Variants in KLHL32 observed in about 807,000 individuals in gnomAD.
KLHL32 encodes the protein kelch like family member 32.
Under a neutral mutation model 64.8 loss-of-function variants are expected in KLHL32, and 35 were observed. That is an observed-to-expected ratio of 0.54 (90% confidence interval 0.41 to 0.72). The LOEUF (loss-of-function observed/expected upper bound fraction) is 0.72, where lower values mean the gene tolerates loss of function less well. Among genes scored for constraint, KLHL32 ranks in the 30% least tolerant of loss-of-function variants. The pLI, the probability that KLHL32 is intolerant of heterozygous loss-of-function variation, is 0.00. For synonymous variants in KLHL32, 259 were observed against 281.0 expected, an observed-to-expected ratio of 0.92 and a Z score of 0.78; for missense variants, 589 against 768.5, an observed-to-expected ratio of 0.77 and a Z score of 2.76.
chr6:96,970,141 C>T (rs1774952146), intron 2 of KLHL32, among the ~76,000 whole-genome samples: 1 of 152,140 alleles, frequency 6.6e-6, no homozygotes, highest in African/African-American at 2.4e-5. Flanking sequence ...CCTTGGGCTC[C>T]AAGGCCCAAC....
At chr6:96,913,893 C>T in the KLHL32 span, among the ~76,000 whole-genome samples, 7 of 152,082 alleles carry the variant, frequency 4.6e-5, no homozygotes, top group African/African-American at 7.2e-5. Context: ...GATTATATTA[C>T]CTGACAAAGG....
chr6:96,950,968 A>G (rs1772501053), intron 1 of KLHL32, among the ~76,000 whole-genome samples: 1 of 152,224 alleles, frequency 6.6e-6, no homozygotes, highest in Admixed American at 6.5e-5. Flanking sequence ...AACTCAAGAA[A>G]GCCTTGTAAT....
chr6:96,912,979 G>A, the KLHL32 span, among the ~76,000 whole-genome samples: 8 of 152,120 alleles, frequency 5.3e-5, no homozygotes, highest in East Asian at 1.9e-4. Context: ...GGAGAAGCTC[G>A]CAATTTTTTG....
chr6:97,069,740 G>A (rs1790404389), intron 5 of KLHL32, among the ~76,000 whole-genome samples: 2 of 152,064 alleles, frequency 1.3e-5, no homozygotes, highest in South Asian at 4.2e-4. Flanking sequence ...TAAAATTTAT[G>A]TTATAGTAGG....
In KLHL32 at chr6:97,113,896, C is replaced by T. The variant is rs1430241348; in HGVS notation, c.741C>T (p.Ser247=). 1.2e-6 allele frequency: 2 copies of T among 1,613,910 alleles called. No homozygotes were observed. Among genetic ancestry groups the T allele is most frequent in the African/African-American group, 2.7e-5 (2 of 74,874 alleles). ...ATACTCTCCATACAGTTGCCCTGTCCCACCCCCTTGTCCAAGCAAGTGAGA... is the reference window on the plus strand; with the variant it reads ...ATACTCTCCATACAGTTGCCCTGTCTCACCCCCTTGTCCAAGCAAGTGAGA... ...DVDTLHTVAL[S]HPLVQASETA... is the part of the protein sequence containing the mutation. The change falls in exon 7 of 11, where the codon TCC becomes TCT. Residue 247 remains serine, a synonymous_variant. Coordinates refer to ENST00000369261, the MANE Select transcript of KLHL32 (RefSeq NM_052904.4).
chr6:97,033,800 C>T lies in KLHL32; in HGVS notation c.205-7692C>T, dbSNP rs145523124. Among the ~76,000 whole-genome samples, 1,406 of 152,098 alleles carry T rather than the reference C, an allele frequency of 9.2e-3. 21 individuals carry two copies. The highest frequency in any genetic ancestry group is 0.033 in the African/African-American group (1,352 of 41,542). On this transcript the variant is annotated intron_variant, in intron 3 of 10. Transcript: ENST00000369261. The stretch of plus-strand genomic sequence containing the variant: ...GTGATGTTGAGCATCTTTTTATATA[C>T]CTGTTGCCCATTTGTATGCCTTCTT...
intron 3 of KLHL32, among the ~76,000 whole-genome samples, chr6:97,040,734 A>C (rs1373739844): frequency 6.6e-6 from 1 of 152,158 alleles, no homozygotes; most frequent in Non-Finnish European, 1.5e-5. Flanking sequence ...CCACATGTCA[A>C]GGGAGAGACC....
At chr6:97,110,770 C>T (rs1211503468) in intron 6 of KLHL32, among the ~76,000 whole-genome samples, 1 of 152,182 alleles carries the variant, frequency 6.6e-6, no homozygotes, top group East Asian at 1.9e-4. Flanking sequence ...AGGCGGGAAC[C>T]GGAGCACGGG....
chr6:97,127,714 G>T (rs901352434), intron 8 of KLHL32, among the ~76,000 whole-genome samples: 6 of 152,154 alleles, frequency 3.9e-5, no homozygotes, highest in African/African-American at 7.2e-5. Flanking sequence ...ATATAGAAAT[G>T]ATTTGAATTG....
Position 97,035,451 on chromosome 6 carries a change from C to T in KLHL32, c.205-6041C>T, listed in dbSNP as rs188810064. 1.2e-4 allele frequency among the ~76,000 whole-genome samples: 19 copies of T among 152,158 alleles called. No individual in the cohort carries two copies. The East Asian group carries it at 1.5e-3, about 12-fold the overall frequency. On this transcript the variant is annotated intron_variant, in intron 3 of 10. Coordinates refer to ENST00000369261, the MANE Select transcript of KLHL32 (RefSeq NM_052904.4). ...AGATTTATGTTTTCTTATGCTTTCA[C>T]GTTACTGTTTAGCATGTTTTTGTTT...
the KLHL32 span, among the ~76,000 whole-genome samples, chr6:96,901,959 C>T: frequency 6.6e-6 from 1 of 152,162 alleles, no homozygotes; most frequent in Non-Finnish European, 1.5e-5. Context: ...TGTATATGTA[C>T]CACATTTTAT....
intron 3 of KLHL32, among the ~76,000 whole-genome samples, chr6:96,990,685 G>T (rs1332944677): frequency 4.0e-5 from 6 of 151,658 alleles, no homozygotes; most frequent in African/African-American, 1.2e-4. Flanking sequence ...CCAGCCCAGA[G>T]AAATACGGAG....
intron 1 of KLHL32, among the ~76,000 whole-genome samples, chr6:96,963,772 C>T (rs1163638502): frequency 6.6e-6 from 1 of 152,122 alleles, no homozygotes; most frequent in East Asian, 1.9e-4. Context: ...CTCTGTTCAC[C>T]AAAATAATAT....
chr6:96,944,307 G>A (rs189210607), intron 1 of KLHL32, among the ~76,000 whole-genome samples: 73 of 152,302 alleles, frequency 4.8e-4, no homozygotes, highest in Admixed American at 1.4e-3. Context: ...ATTTGTTCTT[G>A]TTTTATTCAG....
intron 4 of KLHL32, among the ~76,000 whole-genome samples, chr6:97,043,444 ATCTTT>A (rs1199505985): frequency 7.2e-6 from 1 of 138,612 alleles, no homozygotes; most frequent in Non-Finnish European, 1.5e-5. Flanking sequence ...TATACATACC[ATCTTT>A]TCTTTATTCA....
intron 1 of KLHL32, among the ~76,000 whole-genome samples, chr6:96,926,302 T>C (rs1275097500): frequency 2.6e-5 from 4 of 152,152 alleles, no homozygotes; most frequent in Non-Finnish European, 5.9e-5. Context: ...TCATAGAGAG[T>C]GTAATAAATA....
At chr6:96,930,102 A>G (rs1302171306) in intron 1 of KLHL32, among the ~76,000 whole-genome samples, 1 of 152,114 alleles carries the variant, frequency 6.6e-6, no homozygotes, top group Non-Finnish European at 1.5e-5. Context: ...CCCGTTTGTT[A>G]TACAAGATAT....
At chr6:97,065,831 A>G (rs1789653800) in intron 5 of KLHL32, among the ~76,000 whole-genome samples, 1 of 152,112 alleles carries the variant, frequency 6.6e-6, no homozygotes, top group Non-Finnish European at 1.5e-5. Flanking sequence ...ATCTTATTTA[A>G]TCTTCCCAGC....
chr6:96,986,283 A>C (rs1210098993), intron 3 of KLHL32, among the ~76,000 whole-genome samples: 2 of 152,026 alleles, frequency 1.3e-5, no homozygotes, highest in African/African-American at 2.4e-5. Flanking sequence ...TCTGCCCCTA[A>C]TGGGGGGGGC....
Sources: gnomAD v4.1 joint callset for allele counts (sites outside exome capture counted in the v4.1 genomes callset) on GRCh38, gnomAD v4.1.1 for gene constraint, MANE v1.5 for transcripts, NCBI Gene and HGNC (gene_info 2026-07-23, HGNC 2026-07-21) for gene names.